Variants in WDR19 observed in about 807,000 individuals in gnomAD.
The protein encoded by WDR19 is WD repeat-containing protein 19.
A neutral mutation model predicts 180.0 loss-of-function variants in WDR19; 121 were observed. That is an observed-to-expected ratio of 0.67 (90% CI 0.58 to 0.78). WDR19 has a LOEUF of 0.78. Among genes scored for constraint, WDR19 ranks in the 30% least tolerant of loss-of-function variants. The pLI is 0.00. For synonymous variants in WDR19, 497 were observed against 540.7 expected (o/e 0.92, Z 1.12); for missense variants, 1,450 against 1,640.7 (o/e 0.88, Z 2.01).
chr4:39,253,881 A>G, intron 25 of WDR19, 25 bp from the exon 26 acceptor site: 1 of 1,567,448 alleles, frequency 6.4e-7, no homozygotes, highest in Non-Finnish European at 8.7e-7. Context: ...TTAAGAGTCT[A>G]GCTAATTAAA....
At chr4:39,285,114 G>T (rs545411663) in intron 36 of WDR19, among the ~76,000 whole-genome samples, 2 of 150,980 alleles carry the variant, frequency 1.3e-5, no homozygotes, top group East Asian at 3.9e-4. Context: ...TCCTTATACA[G>T]TGAATACTGG....
At chr4:39,236,491 A>C (rs1047729406) in intron 20 of WDR19, among the ~76,000 whole-genome samples, 1 of 152,210 alleles carries the variant, frequency 6.6e-6, no homozygotes, top group South Asian at 2.1e-4. Context: ...TGGAGACTCC[A>C]AAAGGTGGGA....
At chr4:39,208,872 C>G (rs1249316503) in intron 9 of WDR19, among the ~76,000 whole-genome samples, 1 of 152,068 alleles carries the variant, frequency 6.6e-6, no homozygotes, top group Non-Finnish European at 1.5e-5. Context: ...ATATAATGGA[C>G]TTGAGCATCT....
At chr4:39,225,560 G>A (rs1730162531) in intron 15 of WDR19, among the ~76,000 whole-genome samples, 1 of 152,170 alleles carries the variant, frequency 6.6e-6, no homozygotes, top group Non-Finnish European at 1.5e-5. Flanking sequence ...AAGGAGATGT[G>A]CCTTTACATT....
At chr4:39,193,803 G>A (rs1726428574) in intron 4 of WDR19, among the ~76,000 whole-genome samples, 2 of 152,182 alleles carry the variant, frequency 1.3e-5, no homozygotes, top group South Asian at 4.1e-4. Context: ...AGGTAGCTGG[G>A]TGCCACTTTC....
At chr4:39,187,075 A>G (rs1198331350) in intron 3 of WDR19, among the ~76,000 whole-genome samples, 1 of 152,164 alleles carries the variant, frequency 6.6e-6, no homozygotes, top group African/African-American at 2.4e-5. Context: ...TTAATGATTC[A>G]GTGTAATCAC....
chr4:39,240,314 G>T lies in WDR19; in HGVS notation c.2401G>T (p.Gly801Ter). Residue 801 changes from glycine (G) to a stop codon, truncating the protein, a stop_gained, in exon 21 of 37, where the codon GGA becomes TGA. Transcript: ENST00000399820. LOFTEE classifies it high-confidence loss of function. ...AAATGCTTTGGCTCATTATGAGAAA[G>T]GAATAACAGGTGATAATAAGGTAAC... The part of the protein sequence containing the change: ...YVNALAHYEK[G>*]ITGDNKEHDE... 7.0e-7 allele frequency: 1 copy of T among 1,428,968 alleles called. No homozygotes were observed. Among genetic ancestry groups the T allele is most frequent in the Non-Finnish European group, 9.2e-7 (1 of 1,087,696 alleles). 88.5% of individuals were successfully genotyped at this position (1,428,968 alleles called of 1,614,324 possible).
chr4:39,187,407 G>T (rs1252600837), intron 3 of WDR19, among the ~76,000 whole-genome samples: 4 of 138,284 alleles, frequency 2.9e-5, no homozygotes, highest in Non-Finnish European at 6.1e-5. Context: ...GTGACAGAAC[G>T]AGACTCCATC....
chr4:39,279,943 T>TCCTACCGTGTCCCTACAAAAAAA (rs1736304982), intron 36 of WDR19, among the ~76,000 whole-genome samples: 1 of 152,014 alleles, frequency 6.6e-6, no homozygotes, highest in African/African-American at 2.4e-5. Flanking sequence ...CTTCATGCGA[T>TCCTACCGTGTCCCTACAAAAAAA]TCGCCGGCCT....
At chr4:39,257,875 G>T (rs555433904) in intron 28 of WDR19, among the ~76,000 whole-genome samples, 3 of 151,896 alleles carry the variant, frequency 2.0e-5, no homozygotes, top group Non-Finnish European at 4.4e-5. Flanking sequence ...AATCCTAAGT[G>T]TACAACTCGA....
chr4:39,217,284 G>A (rs1349688354), intron 13 of WDR19, 44 bp downstream of exon 13: 2 of 1,406,148 alleles, frequency 1.4e-6, no homozygotes, highest in East Asian at 4.9e-5. Flanking sequence ...AAGTTATAAT[G>A]AACAGCCTAA....
chr4:39,237,253 T>A (rs1731476097), intron 20 of WDR19, among the ~76,000 whole-genome samples: 1 of 152,138 alleles, frequency 6.6e-6, no homozygotes, highest in South Asian at 2.1e-4. Context: ...TTGTAGGAGT[T>A]ATTCTGTCAA....
intron 33 of WDR19, among the ~76,000 whole-genome samples, chr4:39,275,749 G>A (rs1735830336): frequency 6.6e-6 from 1 of 152,206 alleles, no homozygotes; most frequent in African/African-American, 2.4e-5. Flanking sequence ...AAGTTCTGTT[G>A]GCAAGGAGAT....
At chr4:39,241,993 T>C (rs1415565442) in intron 21 of WDR19, among the ~76,000 whole-genome samples, 1 of 151,612 alleles carries the variant, frequency 6.6e-6, no homozygotes, top group Admixed American at 6.6e-5. Context: ...GCAAAGATCA[T>C]TGAGTATTCA....
chr4:39,185,744 G>A lies in WDR19; in HGVS notation c.25G>A (p.Glu9Lys). The change falls in exon 2 of 37, where the codon GAA (glutamate) becomes AAA (lysine). Residue 9 changes from glutamate to lysine, a missense_variant. Glu to Lys is a moderately conservative substitution (Grantham distance 56). Transcript: ENST00000399820. ...TTTTTAGCGTATTTTCTCACTGCTA[G>A]AAAAGACTTGGCTTGGCGCACCAAT... MKRIFSLL[E>K]KTWLGAPIQF... 6.4e-7 allele frequency: 1 copy of A among 1,557,414 alleles called. No individual in the cohort carries two copies. The highest frequency in any genetic ancestry group is 1.2e-5 in the South Asian group (1 of 84,358).
chr4:39,219,637 G>A (rs1729446137), intron 14 of WDR19, among the ~76,000 whole-genome samples: 1 of 152,078 alleles, frequency 6.6e-6, no homozygotes, highest in Non-Finnish European at 1.5e-5. Context: ...ATTTAATTTG[G>A]TGATGAACAT....
At chr4:39,222,023 A>G (rs887603144) in intron 14 of WDR19, among the ~76,000 whole-genome samples, 1 of 152,188 alleles carries the variant, frequency 6.6e-6, no homozygotes, top group African/African-American at 2.4e-5. Flanking sequence ...AATCGGTTGT[A>G]CCATTTTACA....
rs1450541922 is a variant in WDR19 at position 39,278,524 on chromosome 4, C to T, written c.3918-15C>T. Reference sequence around the variant, plus strand: ...TATATATTTAATTTACTCTGCCTTTCCCTCCCCTAAACAGCATGCTAAACA... The same window carrying T: ...TATATATTTAATTTACTCTGCCTTTTCCTCCCCTAAACAGCATGCTAAACA... On this transcript the variant is annotated splice_polypyrimidine_tract_variant and intron_variant, in intron 35 of 36. Transcript: ENST00000399820. 6.3e-7 allele frequency: 1 copy of T among 1,588,550 alleles called. No individual in the cohort carries two copies. The highest frequency in any genetic ancestry group is 1.8e-5 in the Admixed American group (1 of 57,010).
In WDR19 at chr4:39,255,820, T is replaced by C. The variant is rs545889655; in HGVS notation, c.3002-28T>C. 10 of 1,390,110 alleles carry C rather than the reference T, an allele frequency of 7.2e-6. No individual in the cohort carries two copies. The African/African-American group carries it at 1.3e-4, about 18-fold the overall frequency. The allele number at this position is 1,390,110 out of a possible 1,614,324, so 86.1% of individuals were successfully genotyped here. On this transcript the variant is annotated intron_variant, in intron 26 of 36. Coordinates refer to ENST00000399820, the MANE Select transcript of WDR19 (RefSeq NM_025132.4). ...AAAAGGTAAACAAATTTTGCTCAGA[T>C]ATTTTACTCAGTAAACTTCTGTTAC... is the stretch of plus-strand genomic sequence containing the variant.
Sources: gnomAD v4.1 joint callset for allele counts (sites outside exome capture counted in the v4.1 genomes callset) on GRCh38, gnomAD v4.1.1 for gene constraint, MANE v1.5 for transcripts, NCBI Gene and HGNC (gene_info 2026-07-23, HGNC 2026-07-21) for gene names.